The following DSCAML1 variants were observed in gnomAD, a reference collection of about 807,000 sequenced individuals.
DSCAML1 encodes cell adhesion molecule DSCAML1.
DSCAML1 carries 38 observed loss-of-function variants against 200.5 expected under a neutral mutation model. The ratio of observed to expected loss-of-function variants is 0.19; its 90% CI spans 0.15 to 0.25. The LOEUF is 0.25. Among genes scored for constraint, DSCAML1 ranks in the 10% least tolerant of loss-of-function variants. DSCAML1 has a pLI of 1.00. For missense variants in DSCAML1, 2,223 were observed against 2,858.8 expected (o/e 0.78, Z 5.07); for synonymous variants, 1,215 against 1,165.0 (o/e 1.04, Z -0.87).
chr11:117,682,985 T>C (rs994571257), intron 3 of DSCAML1, among the ~76,000 whole-genome samples: 1 of 152,246 alleles, frequency 6.6e-6, no homozygotes, highest in African/African-American at 2.4e-5. Context: ...TACACCATAA[T>C]GTCCCTCTGC....
At chr11:117,752,698 A>T (rs151040460) in intron 3 of DSCAML1, among the ~76,000 whole-genome samples, 6 of 152,332 alleles carry the variant, frequency 3.9e-5, no homozygotes, top group African/African-American at 1.4e-4. Flanking sequence ...TTCTGCTAAG[A>T]ACTGTTTCTT....
intron 3 of DSCAML1, among the ~76,000 whole-genome samples, chr11:117,580,821 C>G (rs684973): frequency 0.62 from 94,461 of 152,000 alleles, 30,106 homozygotes; most frequent in African/African-American, 0.77. Context: ...AAGCACCTAG[C>G]TAAGTGCTGA....
chr11:117,503,851 C>T lies in DSCAML1; in HGVS notation c.2353G>A (p.Val785Ile). The change falls in exon 11 of 33, where the codon GTC becomes ATC. Residue 785 changes from valine (V) to isoleucine (I), a missense_variant. Val to Ile is a conservative substitution (Grantham distance 29, BLOSUM62 3). Coordinates refer to ENST00000651296, the MANE Select transcript of DSCAML1 (RefSeq NM_020693.4). This position sits in a 1 kb window ranked among gnomAD's most constrained non-coding sequence, Gnocchi z 5.2. ...GTGTGGGGACAGGACTCACTCTTGA[C>T]TGTGAGGAACATGGACTTGCTGATG... ...TDISKSMFLTVKIPAMITSHP... is the reference protein window; with the variant it reads ...TDISKSMFLTIKIPAMITSHP... 6.2e-7 allele frequency: 1 copy of T among 1,613,758 alleles called. No homozygotes were observed.
intron 3 of DSCAML1, among the ~76,000 whole-genome samples, chr11:117,743,677 T>C (rs1411067877): frequency 1.3e-5 from 2 of 152,238 alleles, no homozygotes; most frequent in African/African-American, 2.4e-5. Flanking sequence ...CTCAGGCCAC[T>C]GCCACCCCTG....
At chr11:117,756,838 TG>T (rs2054702534) in intron 3 of DSCAML1, among the ~76,000 whole-genome samples, 1 of 152,122 alleles carries the variant, frequency 6.6e-6, no homozygotes, top group South Asian at 2.1e-4. Flanking sequence ...GCACTCACTT[TG>T]GGAAAGACTT....
intron 3 of DSCAML1, among the ~76,000 whole-genome samples, chr11:117,720,379 T>C (rs991407500): frequency 6.7e-6 from 1 of 149,782 alleles, no homozygotes; most frequent in Admixed American, 6.6e-5. Flanking sequence ...CGAGATGGAG[T>C]CAGACAGGCT....
intron 3 of DSCAML1, among the ~76,000 whole-genome samples, chr11:117,647,382 G>T (rs2052539821): frequency 6.6e-6 from 1 of 152,236 alleles, no homozygotes; most frequent in African/African-American, 2.4e-5. Context: ...GCAAGCATGA[G>T]TGATGGCAAA....
intron 3 of DSCAML1, among the ~76,000 whole-genome samples, chr11:117,704,038 A>G (rs1001681468): frequency 1.1e-4 from 17 of 150,926 alleles, no homozygotes; most frequent in African/African-American, 3.9e-4. Flanking sequence ...GAGACTCTAA[A>G]GTTCATGCTT....
At position 117,752,038 on chromosome 11, in the gene DSCAML1, C is replaced by CTGTG. The variant is rs372303288; in HGVS notation, c.511+24749_511+24752dup. Reference sequence around the variant, plus strand: ...CACCACCAATTCACAAACCTCAGCTCTGTGTGTGTGTGTGTGTGTCACTTC... The same window carrying CTGTG: ...CACCACCAATTCACAAACCTCAGCTCTGTGTGTGTGTGTGTGTGTGTGTCACTTC... On this transcript the variant is annotated intron_variant, in intron 3 of 32. Coordinates refer to ENST00000651296, the MANE Select transcript of DSCAML1 (RefSeq NM_020693.4). 7.1e-4 allele frequency among the ~76,000 whole-genome samples: 107 copies of CTGTG among 150,676 alleles called. No individual in the cohort carries two copies. The East Asian group carries it at 7.8e-3, about 11-fold the overall frequency.
At chr11:117,546,298 G>A (rs968013709) in intron 3 of DSCAML1, among the ~76,000 whole-genome samples, 1 of 152,212 alleles carries the variant, frequency 6.6e-6, no homozygotes, top group African/African-American at 2.4e-5. Flanking sequence ...CTGTCTAGCT[G>A]GATGACGCCA....
chr11:117,580,179 C>G (rs1296061286), intron 3 of DSCAML1, among the ~76,000 whole-genome samples: 3 of 152,180 alleles, frequency 2.0e-5, no homozygotes, highest in African/African-American at 7.2e-5. Context: ...GAAATGTACT[C>G]AGGAGATCAT....
rs74993727 is a variant in DSCAML1, at chr11:117,695,214, T to C, written c.511+81577A>G. Among the ~76,000 whole-genome samples the C allele has an allele frequency of 2.9e-3, 435 of 152,188 alleles. 3 individuals are homozygous for C. The highest frequency in any genetic ancestry group is 8.7e-3 in the African/African-American group (361 of 41,504). On this transcript the variant is annotated intron_variant, in intron 3 of 32. Coordinates refer to ENST00000651296, the MANE Select transcript of DSCAML1 (RefSeq NM_020693.4). ...AGAGGACTTGGTTATCTATGAGAAT[T>C]AGGGATGCGAGAAAGGCAAAGACAT...
intron 8 of DSCAML1, among the ~76,000 whole-genome samples, chr11:117,509,144 G>T (rs1393553751): frequency 6.6e-6 from 1 of 152,030 alleles, no homozygotes; most frequent in South Asian, 2.1e-4. Flanking sequence ...GACAAGGACC[G>T]CCTGGATATA....
intron 3 of DSCAML1, among the ~76,000 whole-genome samples, chr11:117,572,782 G>A (rs117250175): frequency 3.3e-3 from 508 of 152,248 alleles, no homozygotes; most frequent in Non-Finnish European, 5.4e-3. Context: ...TCCTCTGCCC[G>A]TTCAAGTGCA....
At position 117,694,686 on chromosome 11, in the gene DSCAML1, G is replaced by A. The variant is rs2053558421; in HGVS notation, c.511+82105C>T. On this transcript the variant is annotated intron_variant, in intron 3 of 32. Coordinates refer to ENST00000651296, the MANE Select transcript of DSCAML1 (RefSeq NM_020693.4). ...ATTAAGCCATAATATGGTGTGCTAAGTGGCACGTTGGTGGCTTGAACTAAC... is the reference window on the plus strand; with the variant it reads ...ATTAAGCCATAATATGGTGTGCTAAATGGCACGTTGGTGGCTTGAACTAAC... Among the ~76,000 whole-genome samples, 3 of 152,362 alleles carry A rather than the reference G, an allele frequency of 2.0e-5. No homozygotes were observed. The South Asian group carries it at 6.2e-4, about 32-fold the overall frequency.
At chr11:117,647,331 G>A (rs1252419557) in intron 3 of DSCAML1, among the ~76,000 whole-genome samples, 2 of 152,222 alleles carry the variant, frequency 1.3e-5, no homozygotes, top group African/African-American at 2.4e-5. Flanking sequence ...AATGAGCCAG[G>A]TGGGCAGTGT....
intron 3 of DSCAML1, among the ~76,000 whole-genome samples, chr11:117,577,492 TC>T (rs1565801693): frequency 1.1e-3 from 21 of 19,850 alleles, no homozygotes; most frequent in Non-Finnish European, 1.7e-3. Context: ...CTTCCTTCCT[TC>T]CTTCCTTCCT....
rs752524137 is a variant in DSCAML1, at chr11:117,518,516, G to A, written c.1460C>T (p.Ala487Val). The A allele has an allele frequency of 1.2e-6, 2 of 1,614,176 alleles. No individual in the cohort carries two copies. The highest frequency in any genetic ancestry group is 1.7e-6 in the Non-Finnish European group (2 of 1,180,036). ...IRDGGVYRCT[A>V]RNLVGSAEYQ... is the part of the protein sequence containing the mutation. Reference sequence around the variant, plus strand: ...TTCAGCACTGCCCACCAAGTTCCGCGCTGTGCACCGGTACACGCCCCCGTC... The same window carrying A: ...TTCAGCACTGCCCACCAAGTTCCGCACTGTGCACCGGTACACGCCCCCGTC... The change falls in exon 7 of 33, where the codon GCG becomes GTG. Residue 487 changes from alanine (A) to valine (V), a missense_variant. Physicochemically the swap from Ala to Val is moderately conservative, Grantham distance 64 (BLOSUM62 0). Around this residue, in one of 7 missense-constraint regions of DSCAML1, gnomAD observed 579 missense variants for 721.5 expected, o/e 0.80. Transcript: ENST00000651296. The surrounding 1 kb of genome is among the most constrained non-coding windows in gnomAD (Gnocchi z 6.3).
intron 3 of DSCAML1, among the ~76,000 whole-genome samples, chr11:117,630,125 G>T (rs1013233579): frequency 1.3e-5 from 2 of 152,148 alleles, no homozygotes; most frequent in African/African-American, 4.8e-5. Context: ...GAGAAAGCGC[G>T]AGATGTCACC....
Sources: gnomAD v4.1 joint callset for allele counts (sites outside exome capture counted in the v4.1 genomes callset) on GRCh38, gnomAD v4.1.1 for gene constraint, gnomAD v4.1.1 regional missense constraint, Gnocchi (gnomAD v3.1) non-coding constraint, MANE v1.5 for transcripts, NCBI Gene and HGNC (gene_info 2026-07-23, HGNC 2026-07-21) for gene names.